Variants in KLHL36 observed in about 807,000 individuals in gnomAD.
The protein encoded by KLHL36 is kelch-like protein 36.
A neutral mutation model predicts 53.3 loss-of-function variants in KLHL36; 35 were observed. That is an observed-to-expected ratio of 0.66 (90% CI 0.50 to 0.87). The LOEUF is 0.87. Among genes scored for constraint, KLHL36 ranks in the 40% least tolerant of loss-of-function variants. The pLI is 0.00. For missense variants in KLHL36, 864 were observed against 897.6 expected (o/e 0.96, Z 0.48); for synonymous variants, 472 against 398.9 (o/e 1.18, Z -2.18).
At position 84,656,967 on chromosome 16, in the gene KLHL36, G is replaced by A. The variant is rs1003712738; in HGVS notation, c.160G>A (p.Glu54Lys). 1.9e-6 allele frequency: 3 copies of A among 1,613,888 alleles called. No individual in the cohort carries two copies. Among genetic ancestry groups the A allele is most frequent in the Non-Finnish European group, 2.5e-6 (3 of 1,180,040 alleles). The change falls in exon 3 of 5, where the codon GAG (glutamate) becomes AAG (lysine). Residue 54 changes from glutamate to lysine, a missense_variant. Glu to Lys is a moderately conservative substitution (Grantham distance 56). Transcript: ENST00000564996. ...LFCDVVLVAD[E>K]QRVPAHRNLL... ...CTGCGACGTCGTCCTGGTGGCCGAT[G>A]AGCAGCGTGTGCCAGCCCATCGCAA...
Position 84,662,765 on chromosome 16 carries a change from C to T in KLHL36, c.*632C>T, listed in dbSNP as rs1907634098. ...ACCAGGGGCCACGCAGCTCGCTAGA[C>T]TGTCAGATGAGACATGATGACTTCC... On this transcript the variant is annotated 3_prime_UTR_variant, in exon 5 of 5. Coordinates refer to ENST00000564996, the MANE Select transcript of KLHL36 (RefSeq NM_024731.4). 1.3e-5 allele frequency: 2 copies of T among 152,266 alleles called. No homozygotes were observed. Among genetic ancestry groups the T allele is most frequent in the Non-Finnish European group, 2.9e-5 (2 of 68,058 alleles). The allele number at this position is 152,266 out of a possible 1,614,324, so 9.4% of individuals were successfully genotyped here.
In KLHL36 at chr16:84,657,594, T is replaced by A. The variant is rs1907293576; in HGVS notation, c.787T>A (p.Cys263Ser). The change falls in exon 3 of 5, where the codon TGC becomes AGC. Residue 263 changes from cysteine to serine, a missense_variant. Transcript: ENST00000564996. ...CTCGCTGCTGCCCAAGGAGGCCAAC[T>A]GCGAGGGCTTCATCGAGGAGGCCGT... ...VCSLLPKEAN[C>S]EGFIEEAVRY... 6.2e-7 allele frequency: 1 copy of A among 1,611,112 alleles called. No individual in the cohort carries two copies. The highest frequency in any genetic ancestry group is 1.1e-5 in the South Asian group (1 of 91,080).
chr16:84,659,687 G>C lies in KLHL36; in HGVS notation c.1138-73G>C, dbSNP rs931910683. 67 of 1,482,768 alleles carry C rather than the reference G, an allele frequency of 4.5e-5. 6 individuals carry two copies. Among genetic ancestry groups the C allele is most frequent in the Admixed American group, 2.0e-4 (11 of 56,272 alleles). The allele number at this position is 1,482,768 out of a possible 1,614,324, so 91.9% of individuals were successfully genotyped here. A position where few individuals can be genotyped will look rare whatever the true frequency, so the allele number is the denominator to read the frequency against. ...GTTGTGCATTCCGCAGACACATTTGGGAACCGCAGCGCCAGATGTTGATGC... is the reference window on the plus strand; with the variant it reads ...GTTGTGCATTCCGCAGACACATTTGCGAACCGCAGCGCCAGATGTTGATGC... On this transcript the variant is annotated intron_variant, in intron 3 of 4. Transcript: ENST00000564996.
Position 84,664,669 on chromosome 16 carries a change from T to C in KLHL36, c.*2536T>C, listed in dbSNP as rs561638159. The C allele has an allele frequency of 6.6e-6, 1 of 152,238 alleles. No individual in the cohort carries two copies. Among genetic ancestry groups the C allele is most frequent in the Non-Finnish European group, 1.5e-5 (1 of 68,048 alleles). The allele number at this position is 152,238 out of a possible 1,614,324, so 9.4% of individuals were successfully genotyped here. On this transcript the variant is annotated 3_prime_UTR_variant, in exon 5 of 5. Coordinates refer to ENST00000564996, the MANE Select transcript of KLHL36 (RefSeq NM_024731.4). Reference sequence around the variant, plus strand: ...TCAACTTCTAATATTTGATGGTGGCTACACTGTGACAAGAAAGGTTTTTGA... The same window carrying C: ...TCAACTTCTAATATTTGATGGTGGCCACACTGTGACAAGAAAGGTTTTTGA...
intron 2 of KLHL36, among the ~76,000 whole-genome samples, chr16:84,656,640 A>G (rs1279611559): frequency 6.6e-6 from 1 of 150,416 alleles, no homozygotes; most frequent in Non-Finnish European, 1.5e-5. Flanking sequence ...TCAAAAAAAA[A>G]AAAAGAAAGA....
In KLHL36 at chr16:84,662,510, C is replaced by T. The variant is rs35739726; in HGVS notation, c.*377C>T. 39,886 of 170,346 alleles carry T rather than the reference C, an allele frequency of 0.23. 5,311 individuals carry two copies. Among genetic ancestry groups the T allele is most frequent in the African/African-American group, 0.34 (14,163 of 42,112 alleles). 10.6% of individuals were successfully genotyped at this position (170,346 alleles called of 1,614,324 possible). ...GTTCTCTTAGGCCACCTAGTCCAAG[C>T]CTCCCCAAACCTGGCTGAACTTTTA... On this transcript the variant is annotated 3_prime_UTR_variant, in exon 5 of 5. Transcript: ENST00000564996.
Position 84,650,918 on chromosome 16 carries a change from C to T in KLHL36, c.51C>T (p.Ser17=), listed in dbSNP as rs759634727. 6 of 1,610,860 alleles carry T rather than the reference C, an allele frequency of 3.7e-6. No homozygotes were observed. The highest frequency in any genetic ancestry group is 2.7e-5 in the African/African-American group (2 of 74,576). The change falls in exon 2 of 5, where the codon AGC becomes AGT. Residue 17 remains serine, a synonymous_variant. Transcript: ENST00000564996. The part of the protein sequence containing the change: ...QTRVSRPYKI[S]ESSKVYRWAD... Reference sequence around the variant, plus strand: ...GAGTGTCTCGGCCATACAAGATCAGCGAATCATCAAAGGTCTGTGAATGTT... The same window carrying T: ...GAGTGTCTCGGCCATACAAGATCAGTGAATCATCAAAGGTCTGTGAATGTT...
At chr16:84,653,417 A>C (rs978957607) in intron 2 of KLHL36, among the ~76,000 whole-genome samples, 14 of 152,166 alleles carry the variant, frequency 9.2e-5, no homozygotes, top group Middle Eastern at 3.4e-3. Flanking sequence ...TGTGGATTGG[A>C]GCTTCTAAGT....
chr16:84,664,232 T>C lies in KLHL36; in HGVS notation c.*2099T>C, dbSNP rs1276278231. The C allele has an allele frequency of 1.3e-5, 2 of 151,972 alleles. No homozygotes were observed. The highest frequency in any genetic ancestry group is 2.4e-5 in the African/African-American group (1 of 41,354). The allele number at this position is 151,972 out of a possible 1,614,324, so 9.4% of individuals were successfully genotyped here. A position where few individuals can be genotyped will look rare whatever the true frequency, so the allele number is the denominator to read the frequency against. On this transcript the variant is annotated 3_prime_UTR_variant, in exon 5 of 5. Transcript: ENST00000564996. Reference sequence around the variant, plus strand: ...CTTGTAGACCCCTCAGAAGGCAGGGTAGGGTGTACGTGGGCTGTTCTCCCC... The same window carrying C: ...CTTGTAGACCCCTCAGAAGGCAGGGCAGGGTGTACGTGGGCTGTTCTCCCC...
At position 84,661,691 on chromosome 16, in the gene KLHL36, C is replaced by T; in HGVS notation, c.1409C>T (p.Thr470Ile). The T allele has an allele frequency of 6.2e-7, 1 of 1,613,754 alleles. No individual in the cohort carries two copies. Among genetic ancestry groups the T allele is most frequent in the Non-Finnish European group, 8.5e-7 (1 of 1,180,022 alleles). ...AACCTGCTATGCTACGACCACCGGACAGACGTGTGGGAGGAGCGGCGGCCC... is the reference window on the plus strand; with the variant it reads ...AACCTGCTATGCTACGACCACCGGATAGACGTGTGGGAGGAGCGGCGGCCC... Reference protein sequence around the residue: ...RKNLLCYDHRTDVWEERRPMT... With the variant: ...RKNLLCYDHRIDVWEERRPMT... The change falls in exon 5 of 5, where the codon ACA (threonine) becomes ATA (isoleucine). Residue 470 changes from threonine to isoleucine, a missense_variant. Transcript: ENST00000564996. This position sits in a 1 kb window ranked among gnomAD's most constrained non-coding sequence, Gnocchi z 7.9.
chr16:84,656,680 AAGG>A (rs1907220368), intron 2 of KLHL36, among the ~76,000 whole-genome samples, 188 bp from the exon 3 acceptor site: 1 of 139,456 alleles, frequency 7.2e-6, no homozygotes, highest in East Asian at 2.4e-4. Flanking sequence ...TTAATAAGAG[AAGG>A]AAAAAAAAAA....
Position 84,665,192 on chromosome 16 carries a change from A to G in KLHL36, c.*3059A>G, listed in dbSNP as rs968193948. On this transcript the variant is annotated 3_prime_UTR_variant, in exon 5 of 5. Coordinates refer to ENST00000564996, the MANE Select transcript of KLHL36 (RefSeq NM_024731.4). ...GAGGGAAACAGCCACACATGTCATC[A>G]TGTTAAACTTTCAGTGTTTCAAGCT... 1.4e-4 allele frequency: 22 copies of G among 151,926 alleles called. No homozygotes were observed. Among genetic ancestry groups the G allele is most frequent in the African/African-American group, 4.4e-4 (18 of 41,348 alleles). The allele number at this position is 151,926 out of a possible 1,614,324, so 9.4% of individuals were successfully genotyped here.
chr16:84,649,886 A>G (rs75254681), intron 1 of KLHL36, among the ~76,000 whole-genome samples: 1,661 of 152,290 alleles, frequency 0.011, 12 homozygotes, highest in African/African-American at 0.024. Flanking sequence ...TCGTCTCAGT[A>G]TGTGACTTGT....
rs1484428206 is a variant in KLHL36, at chr16:84,665,000, T to C, written c.*2867T>C. ...ATGACCACACCACTGCACTCTAACC[T>C]GGGTGACGGAGTGAGACCCTGTCTC... On this transcript the variant is annotated 3_prime_UTR_variant, in exon 5 of 5. Coordinates refer to ENST00000564996, the MANE Select transcript of KLHL36 (RefSeq NM_024731.4). The C allele has an allele frequency of 6.6e-6, 1 of 152,232 alleles. No individual in the cohort carries two copies. Among genetic ancestry groups the C allele is most frequent in the Non-Finnish European group, 1.5e-5 (1 of 68,056 alleles). 9.4% of individuals were successfully genotyped at this position (152,232 alleles called of 1,614,324 possible).
chr16:84,653,702 T>G (rs763973101), intron 2 of KLHL36, among the ~76,000 whole-genome samples: 6 of 152,034 alleles, frequency 3.9e-5, no homozygotes, highest in Non-Finnish European at 8.8e-5. Flanking sequence ...TAGCTGGGCA[T>G]GGTGGTACAT....
chr16:84,653,612 A>G (rs1907030210), intron 2 of KLHL36, among the ~76,000 whole-genome samples: 1 of 152,032 alleles, frequency 6.6e-6, no homozygotes, highest in Non-Finnish European at 1.5e-5. Flanking sequence ...ATATGCCGGG[A>G]GTGGTGGCAC....
rs1597227661 is a variant in KLHL36, at chr16:84,664,139, A to C, written c.*2006A>C. The C allele has an allele frequency of 6.6e-6, 1 of 152,172 alleles. No homozygotes were observed. Among genetic ancestry groups the C allele is most frequent in the Non-Finnish European group, 1.5e-5 (1 of 68,024 alleles). The allele number at this position is 152,172 out of a possible 1,614,324, so 9.4% of individuals were successfully genotyped here. On this transcript the variant is annotated 3_prime_UTR_variant, in exon 5 of 5. Transcript: ENST00000564996. ...ACCTAGTCCCAGACCCCCACAAAAC[A>C]TGTTTTGCAGAACTTCTGCCAACTT... is the stretch of plus-strand genomic sequence containing the variant.
chr16:84,659,681 C>T, intron 3 of KLHL36, 79 bp from the exon 4 acceptor site: 2 of 1,437,144 alleles, frequency 1.4e-6, no homozygotes, highest in Non-Finnish European at 1.9e-6. Flanking sequence ...TCCGCAGACA[C>T]ATTTGGGAAC....
chr16:84,661,809 G>C lies in KLHL36; in HGVS notation c.1527G>C (p.Glu509Asp). The C allele has an allele frequency of 6.2e-7, 1 of 1,610,086 alleles. No homozygotes were observed. The highest frequency in any genetic ancestry group is 8.5e-7 in the Non-Finnish European group (1 of 1,177,056). Residue 509 changes from glutamate to aspartate, a missense_variant, in exon 5 of 5, where the codon GAG (glutamate) becomes GAC (aspartate). Coordinates refer to ENST00000564996, the MANE Select transcript of KLHL36 (RefSeq NM_024731.4). The surrounding 1 kb of genome is among the most constrained non-coding windows in gnomAD (Gnocchi z 7.9). ...GGSDDNIESM[E>D]RFDVLGVEAY... ...GCGATGACAACATCGAGTCCATGGA[G>C]CGCTTCGACGTGCTGGGCGTGGAGG...
Sources: gnomAD v4.1 joint callset for allele counts (sites outside exome capture counted in the v4.1 genomes callset) on GRCh38, gnomAD v4.1.1 for gene constraint, Gnocchi (gnomAD v3.1) non-coding constraint, MANE v1.5 for transcripts, NCBI Gene and HGNC (gene_info 2026-07-23, HGNC 2026-07-21) for gene names.